The following ZCWPW2 variants were observed in gnomAD, a reference collection of about 807,000 sequenced individuals.
The protein encoded by ZCWPW2 is zinc finger CW-type and PWWP domain containing 2.
In ZCWPW2, 45 loss-of-function variants were observed where a neutral mutation model predicts 46.6. That is an observed-to-expected ratio of 0.96 (90% CI 0.76 to 1.24). The LOEUF (loss-of-function observed/expected upper bound fraction) is 1.24, where lower values mean the gene tolerates loss of function less well. Among genes scored for constraint, ZCWPW2 ranks in the 50% most tolerant of loss-of-function variants. The pLI, the probability that ZCWPW2 is intolerant of heterozygous loss-of-function variation, is 0.00. For missense variants in ZCWPW2, 429 were observed against 403.9 expected (o/e 1.06, Z -0.53); for synonymous variants, 152 against 137.1 (o/e 1.11, Z -0.76).
intron 2 of ZCWPW2, among the ~76,000 whole-genome samples, chr3:28,401,307 C>T (rs928089534): frequency 6.6e-6 from 1 of 152,136 alleles, no homozygotes; most frequent in Non-Finnish European, 1.5e-5. Flanking sequence ...CCTAAATGCT[C>T]CACTTAAGAG....
intron 1 of ZCWPW2, among the ~76,000 whole-genome samples, chr3:28,389,466 A>G (rs548747570): frequency 2.0e-5 from 3 of 152,308 alleles, no homozygotes; most frequent in Admixed American, 6.5e-5. Context: ...TAAGTGCTTA[A>G]TTAGGAGCAT....
chr3:28,464,918 A>G (rs951184652), intron 4 of ZCWPW2, among the ~76,000 whole-genome samples: 2 of 152,222 alleles, frequency 1.3e-5, no homozygotes, highest in Non-Finnish European at 2.9e-5. Flanking sequence ...ATTACAGTTG[A>G]AAAAGTTTGA....
intron 1 of ZCWPW2, among the ~76,000 whole-genome samples, chr3:28,367,989 A>G (rs923818462): frequency 2.5e-4 from 38 of 151,334 alleles, no homozygotes; most frequent in Admixed American, 2.4e-3. Flanking sequence ...TTTGTTTTCC[A>G]TTTGCTTGGT....
chr3:28,434,044 A>C (rs1697382932), intron 3 of ZCWPW2, among the ~76,000 whole-genome samples: 1 of 152,034 alleles, frequency 6.6e-6, no homozygotes, highest in African/African-American at 2.4e-5. Context: ...ATATTGAGCA[A>C]ATATATTACT....
At chr3:28,512,664 C>A (rs1700459825) in intron 6 of ZCWPW2, among the ~76,000 whole-genome samples, 1 of 152,096 alleles carries the variant, frequency 6.6e-6, no homozygotes, top group African/African-American at 2.4e-5. Context: ...ATTTGGCGAT[C>A]TCATCAAATC....
At chr3:28,458,570 A>C (rs1338562996) in intron 4 of ZCWPW2, among the ~76,000 whole-genome samples, 1 of 152,196 alleles carries the variant, frequency 6.6e-6, no homozygotes, top group Non-Finnish European at 1.5e-5. Flanking sequence ...ACACAGCAGC[A>C]GAACCAGGAC....
intron 2 of ZCWPW2, among the ~76,000 whole-genome samples, chr3:28,396,199 T>A (rs1695690108): frequency 6.6e-6 from 1 of 152,000 alleles, no homozygotes; most frequent in African/African-American, 2.4e-5. Context: ...AACACAGAGG[T>A]CCTCTAGAGA....
At chr3:28,433,755 T>TA (rs573649203) in intron 3 of ZCWPW2, among the ~76,000 whole-genome samples, 1,353 of 133,422 alleles carry the variant, frequency 0.01, 20 homozygotes, top group African/African-American at 0.03. Flanking sequence ...GACTCCCTCT[T>TA]AAAAAAAAAA....
chr3:28,474,071 C>T (rs1699138268), intron 4 of ZCWPW2, among the ~76,000 whole-genome samples: 1 of 152,132 alleles, frequency 6.6e-6, no homozygotes, highest in Admixed American at 6.6e-5. Context: ...GCGTTAGCTA[C>T]CCCATTTACC....
At chr3:28,396,990 G>T (rs774943366) in intron 2 of ZCWPW2, among the ~76,000 whole-genome samples, 1 of 152,018 alleles carries the variant, frequency 6.6e-6, no homozygotes, top group Non-Finnish European at 1.5e-5. Context: ...TTAGCTGGGC[G>T]TGGTGGCACA....
At chr3:28,403,535 G>GA (rs1696033641) in intron 2 of ZCWPW2, among the ~76,000 whole-genome samples, 1 of 151,822 alleles carries the variant, frequency 6.6e-6, no homozygotes, top group Non-Finnish European at 1.5e-5. Context: ...CACGGAATTA[G>GA]AAAAAAAATT....
At position 28,407,117 on chromosome 3, in the gene ZCWPW2, G is replaced by T. The variant is rs1012312449; in HGVS notation, c.-13-5939G>T. Among the ~76,000 whole-genome samples, 6 of 152,284 alleles carry T rather than the reference G, an allele frequency of 3.9e-5. No homozygotes were observed. The East Asian group carries it at 1.2e-3, about 29-fold the overall frequency. ...GTTGAGATTACAGGCATGAGCCATT[G>T]CACCTGGCGAGTTTCCTCCTATGTG... On this transcript the variant is annotated intron_variant, in intron 2 of 9. Coordinates refer to ENST00000383768, the MANE Select transcript of ZCWPW2 (RefSeq NM_001040432.4).
intron 3 of ZCWPW2, among the ~76,000 whole-genome samples, chr3:28,425,357 T>C (rs1199117964): frequency 3.3e-5 from 5 of 152,120 alleles, no homozygotes; most frequent in African/African-American, 1.2e-4. Flanking sequence ...GTAACACAAA[T>C]ATATAGAAAG....
chr3:28,385,739 C>T (rs916436913), intron 1 of ZCWPW2, among the ~76,000 whole-genome samples: 2 of 152,172 alleles, frequency 1.3e-5, no homozygotes, highest in Non-Finnish European at 2.9e-5. Context: ...GGCTAGCCTG[C>T]AGGGGACCAT....
chr3:28,413,450 T>A, intron 3 of ZCWPW2, 50 bp downstream of exon 3: 1 of 1,420,688 alleles, frequency 7.0e-7, no homozygotes, highest in Non-Finnish European at 9.4e-7. Context: ...TTGCTAGGTT[T>A]ATGAATATTA....
intron 1 of ZCWPW2, among the ~76,000 whole-genome samples, chr3:28,355,998 T>G (rs1375770074): frequency 6.6e-6 from 1 of 152,138 alleles, no homozygotes; most frequent in Non-Finnish European, 1.5e-5. Flanking sequence ...AATTGACAAA[T>G]GGAATCTAAT....
chr3:28,476,255 A>T (rs1699235024), intron 4 of ZCWPW2, among the ~76,000 whole-genome samples: 1 of 152,052 alleles, frequency 6.6e-6, no homozygotes, highest in South Asian at 2.1e-4. Context: ...TTTGCACCTT[A>T]TCCCTTCTTC....
At chr3:28,517,742 T>C (rs1700611645) in intron 8 of ZCWPW2, among the ~76,000 whole-genome samples, 1 of 152,194 alleles carries the variant, frequency 6.6e-6, no homozygotes, top group Admixed American at 6.5e-5. Context: ...ATTTGAAAGT[T>C]TTTAAAATAG....
chr3:28,461,564 T>C (rs1422818333), intron 4 of ZCWPW2: 2 of 152,192 alleles, frequency 1.3e-5, no homozygotes, highest in African/African-American at 4.8e-5. Context: ...GATTAAAAAA[T>C]GTAGCAGCCT....
Sources: allele counts gnomAD v4.1 joint callset (sites outside exome capture counted in the v4.1 genomes callset), GRCh38; gene constraint gnomAD v4.1.1; transcripts MANE v1.5; gene names NCBI Gene and HGNC (gene_info 2026-07-23, HGNC 2026-07-21).